Variants in PRIM2 observed in about 807,000 individuals in gnomAD.
PRIM2 encodes the protein DNA primase large subunit.
Under a neutral mutation model 67.3 loss-of-function variants are expected in PRIM2, and 39 were observed. The ratio of observed to expected loss-of-function variants is 0.58; its 90% CI spans 0.45 to 0.76. The LOEUF (loss-of-function observed/expected upper bound fraction) is 0.76, where lower values mean the gene tolerates loss of function less well. Among genes scored for constraint, PRIM2 ranks in the 30% least tolerant of loss-of-function variants. The probability of loss-of-function intolerance (pLI) is 0.00; values close to 1 mark genes in which losing one functional copy is unlikely to be tolerated. For synonymous variants in PRIM2, 143 were observed against 198.7 expected (o/e 0.72, Z 2.36); for missense variants, 398 against 598.7 (o/e 0.66, Z 3.50).
At chr6:57,487,380 C>T (rs1229375985) in intron 7 of PRIM2, among the ~76,000 whole-genome samples, 11 of 152,202 alleles carry the variant, frequency 7.2e-5, no homozygotes, top group Admixed American at 2.6e-4. Context: ...AGGTGCATGC[C>T]GCCATGCCTG....
At chr6:57,273,969 C>T in the PRIM2 span, among the ~76,000 whole-genome samples, 4 of 152,146 alleles carry the variant, frequency 2.6e-5, no homozygotes, top group Admixed American at 2.6e-4. Flanking sequence ...AATGCTGCTG[C>T]CTGATCATTC....
chr6:57,592,124 C>A (rs1440896553), intron 10 of PRIM2, among the ~76,000 whole-genome samples: 1 of 151,716 alleles, frequency 6.6e-6, no homozygotes, highest in Non-Finnish European at 1.5e-5. Flanking sequence ...ACATTGGGTA[C>A]GCATGGACAT....
At chr6:57,626,938 CTG>C (rs1424762283) in intron 12 of PRIM2, among the ~76,000 whole-genome samples, 1 of 151,854 alleles carries the variant, frequency 6.6e-6, no homozygotes, top group Non-Finnish European at 1.5e-5. Context: ...TTTTTAAAAA[CTG>C]TAATATTCTT....
intron 7 of PRIM2, among the ~76,000 whole-genome samples, chr6:57,482,846 T>C (rs1318636790): frequency 6.6e-6 from 1 of 152,130 alleles, no homozygotes; most frequent in East Asian, 1.9e-4. Flanking sequence ...CACAAGGATT[T>C]TTTTGAGGCG....
At chr6:57,618,900 C>T (rs1435574436) in intron 12 of PRIM2, among the ~76,000 whole-genome samples, 1 of 152,084 alleles carries the variant, frequency 6.6e-6, no homozygotes, top group Non-Finnish European at 1.5e-5. Flanking sequence ...CCACCCACTG[C>T]CGATCCCTCT....
intron 7 of PRIM2, among the ~76,000 whole-genome samples, chr6:57,409,672 G>C (rs1418127840): frequency 6.6e-6 from 1 of 152,170 alleles, no homozygotes; most frequent in Non-Finnish European, 1.5e-5. Context: ...TCTAATGGAT[G>C]TATGATGATA....
chr6:57,393,050 TCATA>T (rs1770408274), intron 7 of PRIM2, among the ~76,000 whole-genome samples: 1 of 151,592 alleles, frequency 6.6e-6, no homozygotes, highest in South Asian at 2.1e-4. Flanking sequence ...CTTTACCCAC[TCATA>T]GATTGATGGG....
chr6:57,346,977 C>A (rs1271303394), intron 5 of PRIM2, among the ~76,000 whole-genome samples: 2 of 152,100 alleles, frequency 1.3e-5, no homozygotes, highest in African/African-American at 4.8e-5. Context: ...CAGTTAATAC[C>A]CCTATTCTGG....
intron 11 of PRIM2, 111 bp downstream of exon 11, chr6:57,601,330 T>G (rs1489953900): frequency 2.5e-6 from 3 of 1,196,222 alleles, no homozygotes; most frequent in African/African-American, 1.6e-5. Context: ...CTAGTTTGTA[T>G]CTTATCTCAG....
chr6:57,343,907 G>A (rs9382704), intron 5 of PRIM2, among the ~76,000 whole-genome samples: 6 of 152,098 alleles, frequency 3.9e-5, no homozygotes, highest in South Asian at 2.1e-4. Flanking sequence ...GGTCAGGGTG[G>A]ATGGAAAATT....
chr6:57,617,493 T>C (rs1375086576), intron 12 of PRIM2, among the ~76,000 whole-genome samples: 1 of 152,234 alleles, frequency 6.6e-6, no homozygotes, highest in Non-Finnish European at 1.5e-5. Context: ...TTGATTTGCA[T>C]TTTTCTAATG....
intron 7 of PRIM2, among the ~76,000 whole-genome samples, chr6:57,392,773 C>T (rs1770396350): frequency 2.6e-5 from 4 of 151,326 alleles, no homozygotes; most frequent in Admixed American, 1.3e-4. Context: ...TTTGGTGTAC[C>T]CATCACCCGA....
intron 7 of PRIM2, among the ~76,000 whole-genome samples, chr6:57,389,797 C>T (rs967119300): frequency 6.6e-6 from 1 of 152,098 alleles, no homozygotes; most frequent in African/African-American, 2.4e-5. Flanking sequence ...AATTTTCTTC[C>T]TTAAACTGTG....
rs1408007590 is a variant in PRIM2 at position 57,360,840 on chromosome 6, G to A, written c.460-19061G>A. Reference sequence around the variant, plus strand: ...GATAACACTAGCAGTAGCAAGCAAAGTATAGATAAGAACAAGTGACATATT... The same window carrying A: ...GATAACACTAGCAGTAGCAAGCAAAATATAGATAAGAACAAGTGACATATT... On this transcript the variant is annotated intron_variant, in intron 5 of 13. Transcript: ENST00000615550. 2.6e-5 allele frequency among the ~76,000 whole-genome samples: 4 copies of A among 152,296 alleles called. No individual in the cohort carries two copies. In the East Asian group the frequency reaches 5.8e-4, roughly 22 times the overall value.
intron 7 of PRIM2, among the ~76,000 whole-genome samples, chr6:57,467,439 T>A (rs1773231395): frequency 6.6e-6 from 1 of 152,166 alleles, no homozygotes; most frequent in African/African-American, 2.4e-5. Flanking sequence ...TGTTTATAGA[T>A]GTGTGGTGTT....
chr6:57,390,043 C>G (rs1019947016), intron 7 of PRIM2: 9 of 154,754 alleles, frequency 5.8e-5, no homozygotes, highest in Non-Finnish European at 1.2e-4. Context: ...GCTTTCACTT[C>G]CACCATTACT....
At chr6:57,232,349 G>A in the PRIM2 span, among the ~76,000 whole-genome samples, 6 of 152,254 alleles carry the variant, frequency 3.9e-5, no homozygotes, top group Admixed American at 6.5e-5. Context: ...TCAGGAGTTC[G>A]AGACCAGCCT....
At chr6:57,418,541 C>T (rs186476136) in intron 7 of PRIM2, among the ~76,000 whole-genome samples, 2 of 150,918 alleles carry the variant, frequency 1.3e-5, no homozygotes, top group Non-Finnish European at 3.0e-5. Flanking sequence ...GGACTACAGG[C>T]GCGTGCCACC....
chr6:57,305,472 C>T, the PRIM2 span, among the ~76,000 whole-genome samples: 2 of 152,150 alleles, frequency 1.3e-5, no homozygotes, highest in Admixed American at 6.5e-5. Context: ...AATAATCAGT[C>T]TCATGTTAAA....
Sources: gnomAD v4.1 joint callset for allele counts (sites outside exome capture counted in the v4.1 genomes callset) on GRCh38, gnomAD v4.1.1 for gene constraint, MANE v1.5 for transcripts, NCBI Gene and HGNC (gene_info 2026-07-23, HGNC 2026-07-21) for gene names.